Variants in EDEM1 observed in about 807,000 individuals in gnomAD.
The protein encoded by EDEM1 is ER degradation-enhancing alpha-mannosidase-like protein 1.
A neutral mutation model predicts 74.4 loss-of-function variants in EDEM1; 67 were observed. The observed-to-expected ratio is 0.90, with a 90% CI of 0.74 to 1.10. The LOEUF (loss-of-function observed/expected upper bound fraction) is 1.10. Among genes scored for constraint, EDEM1 ranks in the 50% least tolerant of loss-of-function variants. EDEM1 has a pLI of 0.00. For synonymous variants in EDEM1, 382 were observed against 335.9 expected, an observed-to-expected ratio of 1.14 and a Z score of -1.50; for missense variants, 926 against 851.6, an observed-to-expected ratio of 1.09 and a Z score of -1.09.
Position 5,216,107 on chromosome 3 carries a change from A to G in EDEM1, c.*189A>G. On this transcript the variant is annotated 3_prime_UTR_variant, in exon 12 of 12. Coordinates refer to ENST00000256497, the MANE Select transcript of EDEM1 (RefSeq NM_014674.3). Reference sequence around the variant, plus strand: ...CAGTGTTTCTCTCCTGTTCAATAAAATGCCCTGTTAAGGATATAATTTGAA... The same window carrying G: ...CAGTGTTTCTCTCCTGTTCAATAAAGTGCCCTGTTAAGGATATAATTTGAA... 1.8e-6 allele frequency: 1 copy of G among 548,872 alleles called. No homozygotes were observed. Among genetic ancestry groups the G allele is most frequent in the African/African-American group, 2.0e-5 (1 of 51,192 alleles). 34.0% of individuals were successfully genotyped at this position (548,872 alleles called of 1,614,324 possible).
chr3:5,211,017 G>T, intron 9 of EDEM1, 103 bp from the exon 10 acceptor site: 1 of 1,049,370 alleles, frequency 9.5e-7, no homozygotes, highest in Non-Finnish European at 1.4e-6. Context: ...TATGGTGTTG[G>T]ATGACTGGTT....
chr3:5,188,285 C>T lies in EDEM1; in HGVS notation c.480C>T (p.Cys160=), dbSNP rs1575581238. The change falls in exon 1 of 12, where the codon TGC becomes TGT. Residue 160 remains cysteine (C), a synonymous_variant. Coordinates refer to ENST00000256497, the MANE Select transcript of EDEM1 (RefSeq NM_014674.3). ...FPQDELNPIH[C]RGRGPDRGDP... ...AGGACGAGCTCAACCCCATCCACTGCCGCGGCCGTGGGCCCGACCGCGGGG... is the reference window on the plus strand; with the variant it reads ...AGGACGAGCTCAACCCCATCCACTGTCGCGGCCGTGGGCCCGACCGCGGGG... 16 of 1,541,628 alleles carry T rather than the reference C, an allele frequency of 1.0e-5. No homozygotes were observed. The highest frequency in any genetic ancestry group is 1.4e-5 in the Non-Finnish European group (16 of 1,143,346).
In EDEM1 at chr3:5,217,861, G is replaced by T. The variant is rs2055260268; in HGVS notation, c.*1943G>T. 1 of 152,186 alleles carries T rather than the reference G, an allele frequency of 6.6e-6. No individual in the cohort carries two copies. 9.4% of individuals were successfully genotyped at this position (152,186 alleles called of 1,614,324 possible). On this transcript the variant is annotated 3_prime_UTR_variant, in exon 12 of 12. Coordinates refer to ENST00000256497, the MANE Select transcript of EDEM1 (RefSeq NM_014674.3). Reference sequence around the variant, plus strand: ...CCTTTGTCTCTGGGCAAACAGGTGGGACTGTTAGTGACCCATTTGGGAAAA... The same window carrying T: ...CCTTTGTCTCTGGGCAAACAGGTGGTACTGTTAGTGACCCATTTGGGAAAA...
rs1312239313 is a variant in EDEM1, at chr3:5,219,466, G to T, written c.*3548G>T. 1 of 152,092 alleles carries T rather than the reference G, an allele frequency of 6.6e-6. No homozygotes were observed. Among genetic ancestry groups the T allele is most frequent in the East Asian group, 1.9e-4 (1 of 5,164 alleles). 9.4% of individuals were successfully genotyped at this position (152,092 alleles called of 1,614,324 possible). A position where few individuals can be genotyped will look rare whatever the true frequency, so the allele number is the denominator to read the frequency against. On this transcript the variant is annotated 3_prime_UTR_variant, in exon 12 of 12. Coordinates refer to ENST00000256497, the MANE Select transcript of EDEM1 (RefSeq NM_014674.3). ...CTTGGGAAATCGAGGAGGTGGGACG[G>T]GCTGGGCCCTGTGTCCCAGGTTTCA... is the stretch of plus-strand genomic sequence containing the variant.
intron 10 of EDEM1, 92 bp downstream of exon 10, chr3:5,211,308 A>G (rs968605807): frequency 8.2e-6 from 10 of 1,226,788 alleles, no homozygotes; most frequent in Admixed American, 3.8e-5. Context: ...CTTACTGGCT[A>G]AAGCTATGTG....
Position 5,216,039 on chromosome 3 carries a change from T to C in EDEM1, c.*121T>C. Reference sequence around the variant, plus strand: ...TGCTGTCCATGGTGGTGTAGGAATTTCTGTGCAACACCTCACCACGTCTGG... The same window carrying C: ...TGCTGTCCATGGTGGTGTAGGAATTCCTGTGCAACACCTCACCACGTCTGG... On this transcript the variant is annotated 3_prime_UTR_variant, in exon 12 of 12. Transcript: ENST00000256497. The C allele has an allele frequency of 1.3e-6, 1 of 749,018 alleles. No individual in the cohort carries two copies. Among genetic ancestry groups the C allele is most frequent in the Non-Finnish European group, 2.2e-6 (1 of 452,252 alleles). The allele number at this position is 749,018 out of a possible 1,614,324, so 46.4% of individuals were successfully genotyped here.
At chr3:5,197,308 C>T (rs2054981838) in intron 2 of EDEM1, among the ~76,000 whole-genome samples, 1 of 152,120 alleles carries the variant, frequency 6.6e-6, no homozygotes, top group Non-Finnish European at 1.5e-5. Flanking sequence ...TGTCTGGTCC[C>T]ACTATTAGAG....
In EDEM1 at chr3:5,188,086, T is replaced by G. The variant is rs1388896147; in HGVS notation, c.281T>G (p.Met94Arg). ...GCTCCGCGGCGTCCTGGGCCGGGGA[T>G]GTGCGGCCCAGCCAACTGGGGCTAC... ...RKAPRRPGPG[M>R]CGPANWGYVL... The change falls in exon 1 of 12, where the codon ATG becomes AGG. Residue 94 changes from methionine to arginine, a missense_variant. Coordinates refer to ENST00000256497, the MANE Select transcript of EDEM1 (RefSeq NM_014674.3). The G allele has an allele frequency of 6.7e-7, 1 of 1,493,490 alleles. No homozygotes were observed. Among genetic ancestry groups the G allele is most frequent in the Non-Finnish European group, 8.9e-7 (1 of 1,120,154 alleles). The allele number at this position is 1,493,490 out of a possible 1,614,324, so 92.5% of individuals were successfully genotyped here.
intron 2 of EDEM1, 74 bp from the exon 3 acceptor site, chr3:5,199,518 A>C (rs946446014): frequency 9.4e-7 from 1 of 1,068,384 alleles, no homozygotes; most frequent in African/African-American, 1.6e-5. Context: ...AGGTGACGTG[A>C]CTGGGCTGCT....
At chr3:5,203,275 C>G (rs2055055733) in intron 5 of EDEM1, 126 bp downstream of exon 5, 3 of 992,862 alleles carry the variant, frequency 3.0e-6, no homozygotes, top group Non-Finnish European at 2.8e-6. Context: ...ATTGTGTCAG[C>G]TCTATCTAAT....
At position 5,188,051 on chromosome 3, in the gene EDEM1, C is replaced by G; in HGVS notation, c.246C>G (p.Ser82Arg). The part of the protein sequence containing the change: ...LQPPGTGAAQ[S>R]PRKAPRRPGP... ...CGCCGGGGACCGGGGCAGCGCAGAGCCCGCGCAAGGCTCCGCGGCGTCCTG... is the reference window on the plus strand; with the variant it reads ...CGCCGGGGACCGGGGCAGCGCAGAGGCCGCGCAAGGCTCCGCGGCGTCCTG... Residue 82 changes from serine to arginine, a missense_variant, in exon 1 of 12, where the codon AGC becomes AGG. Physicochemically the swap from Ser to Arg is moderately radical, Grantham distance 110 (BLOSUM62 -1). Transcript: ENST00000256497. 1 of 1,435,802 alleles carries G rather than the reference C, an allele frequency of 7.0e-7. No homozygotes were observed. Among genetic ancestry groups the G allele is most frequent in the African/African-American group, 1.5e-5 (1 of 66,744 alleles). The allele number at this position is 1,435,802 out of a possible 1,614,324, so 88.9% of individuals were successfully genotyped here. A position where few individuals can be genotyped will look rare whatever the true frequency, so the allele number is the denominator to read the frequency against.
At position 5,190,886 on chromosome 3, in the gene EDEM1, T is replaced by A. The variant is rs141965851; in HGVS notation, c.509+2572T>A. ...TTTTTTTAAATATTTTTTAAAAAAA[T>A]TTATTTTTAATTTTTGAGGATACAC... On this transcript the variant is annotated intron_variant, in intron 1 of 11. Transcript: ENST00000256497. Among the ~76,000 whole-genome samples the A allele has an allele frequency of 7.5e-4, 114 of 152,230 alleles. 2 individuals are homozygous for A. The highest frequency in any genetic ancestry group is 2.4e-3 in the African/African-American group (99 of 41,542).
chr3:5,198,947 G>A (rs1409814180), intron 2 of EDEM1, among the ~76,000 whole-genome samples: 1 of 152,092 alleles, frequency 6.6e-6, no homozygotes, highest in African/African-American at 2.4e-5. Context: ...TTAGTGTGAC[G>A]TCGTATCTAC....
At chr3:5,202,201 C>G (rs193300836) in intron 4 of EDEM1, among the ~76,000 whole-genome samples, 44 of 152,296 alleles carry the variant, frequency 2.9e-4, no homozygotes, top group African/African-American at 1.1e-3. Flanking sequence ...ATTCTTAAGT[C>G]CATTTACATG....
intron 9 of EDEM1, among the ~76,000 whole-genome samples, chr3:5,210,467 A>G (rs2055154455): frequency 6.6e-6 from 1 of 152,214 alleles, no homozygotes; most frequent in Admixed American, 6.5e-5. Flanking sequence ...ATGGGTGTTC[A>G]TTCTAACTTC....
At chr3:5,210,691 A>ATGCTTTTTTTTACCTGCTGTAAGT in intron 9 of EDEM1, among the ~76,000 whole-genome samples, 1 of 151,742 alleles carries the variant, frequency 6.6e-6, no homozygotes, top group African/African-American at 2.4e-5. Context: ...ATTTTGTGAC[A>ATGCTTTTTTTTACCTGCTGTAAGT]TGCTTTTTTT....
rs7625711 is a variant in EDEM1, at chr3:5,216,551, G to C, written c.*633G>C. ...TCCTTTCTGTTGTTAGATAATTGGG[G>C]TCTTCCCCTGATATCCAACCGTGAT... On this transcript the variant is annotated 3_prime_UTR_variant, in exon 12 of 12. Coordinates refer to ENST00000256497, the MANE Select transcript of EDEM1 (RefSeq NM_014674.3). 0.17 allele frequency: 25,904 copies of C among 152,222 alleles called. 2,366 individuals are homozygous for C. The highest frequency in any genetic ancestry group is 0.21 in the African/African-American group (8,875 of 41,502). 9.4% of individuals were successfully genotyped at this position (152,222 alleles called of 1,614,324 possible).
At chr3:5,209,932 C>G (rs2055148454) in intron 8 of EDEM1, among the ~76,000 whole-genome samples, 1 of 152,142 alleles carries the variant, frequency 6.6e-6, no homozygotes, top group African/African-American at 2.4e-5. Flanking sequence ...ATTGTTCTAC[C>G]CTGGAACAGA....
chr3:5,213,466 A>T lies in EDEM1; in HGVS notation c.1828A>T (p.Lys610Ter). ...AGAGGGAGGGCAGGACCAAGGGGGA[A>T]AGTCTGTGCACAGGCCGAAACCTCA... ...SEEGGQDQGG[K>*]SVHRPKPHEL... The change falls in exon 11 of 12, where the codon AAG (lysine) becomes TAG (stop). Residue 610 changes from lysine (K) to a stop codon, truncating the protein, a stop_gained. Transcript: ENST00000256497. LOFTEE classifies it high-confidence loss of function. The T allele has an allele frequency of 6.2e-7, 1 of 1,614,066 alleles. No individual in the cohort carries two copies. Among genetic ancestry groups the T allele is most frequent in the Non-Finnish European group, 8.5e-7 (1 of 1,179,946 alleles).
Sources: allele counts gnomAD v4.1 joint callset (sites outside exome capture counted in the v4.1 genomes callset), GRCh38; gene constraint gnomAD v4.1.1; transcripts MANE v1.5; gene names NCBI Gene and HGNC (gene_info 2026-07-23, HGNC 2026-07-21).